CCM2L: variants seen among roughly 807,000 people sequenced by gnomAD.
The protein encoded by CCM2L is CCM2 like scaffold protein, also known as cerebral cavernous malformations 2 protein-like.
CCM2L carries 36 observed loss-of-function variants against 54.1 expected under a neutral mutation model. The observed-to-expected ratio is 0.67, with a 90% confidence interval of 0.51 to 0.88. The LOEUF is 0.88. Among genes scored for constraint, CCM2L ranks in the 40% least tolerant of loss-of-function variants. CCM2L has a pLI of 0.00. For missense variants in CCM2L, 700 were observed against 812.1 expected, an observed-to-expected ratio of 0.86 and a Z score of 1.68; for synonymous variants, 351 against 359.3, an observed-to-expected ratio of 0.98 and a Z score of 0.26.
Position 32,031,047 on chromosome 20 carries a change from C to CT in CCM2L, c.1451dup (p.Leu485ProfsTer14), listed in dbSNP as rs1383954467. ...ACCAGGACATCGGCTACTTCGAGGG[C>CT]TTCCTGGAGGGCGTGGGCATCCGCG... On this transcript the variant is annotated frameshift_variant, in exon 10 of 10. Coordinates refer to ENST00000452892, the MANE Select transcript of CCM2L (RefSeq NM_001365692.1). LOFTEE classifies it high-confidence loss of function. The CT allele has an allele frequency of 7.7e-7, 1 of 1,304,136 alleles. No individual in the cohort carries two copies. Among genetic ancestry groups the CT allele is most frequent in the African/African-American group, 1.5e-5 (1 of 65,862 alleles). 80.8% of individuals were successfully genotyped at this position (1,304,136 alleles called of 1,614,324 possible).
intron 2 of CCM2L, among the ~76,000 whole-genome samples, chr20:32,016,863 G>C (rs538122963): frequency 3.3e-5 from 5 of 151,120 alleles, no homozygotes; most frequent in Admixed American, 3.3e-4. Flanking sequence ...TTTTTTAAAA[G>C]TTGGCCAGGC....
intron 1 of CCM2L, 133 bp from the exon 2 acceptor site, chr20:32,014,771 G>A (rs1307647218): frequency 1.2e-6 from 1 of 816,434 alleles, no homozygotes; most frequent in Non-Finnish European, 1.9e-6. Flanking sequence ...TCTGTAAAAT[G>A]GGACTTACAG....
chr20:32,014,573 C>T (rs2064722516), intron 1 of CCM2L, among the ~76,000 whole-genome samples: 1 of 152,030 alleles, frequency 6.6e-6, no homozygotes, highest in South Asian at 2.1e-4. Context: ...GCCTTGAATC[C>T]TAACATTTTT....
chr20:32,011,693 C>T (rs537134925), intron 1 of CCM2L, among the ~76,000 whole-genome samples: 27 of 152,072 alleles, frequency 1.8e-4, no homozygotes, highest in African/African-American at 6.0e-4. Context: ...CGAGAACTGA[C>T]GGGTGGAAGG....
chr20:32,010,784 C>T (rs569104569), intron 1 of CCM2L, among the ~76,000 whole-genome samples: 5 of 152,208 alleles, frequency 3.3e-5, no homozygotes, highest in Admixed American at 1.3e-4. Context: ...TGGTGTTCCC[C>T]GCAGCTCCCT....
chr20:32,016,007 C>G (rs2064738737), intron 2 of CCM2L, among the ~76,000 whole-genome samples: 1 of 152,076 alleles, frequency 6.6e-6, no homozygotes, highest in Non-Finnish European at 1.5e-5. Flanking sequence ...CCGGCACGCA[C>G]CACCACACGC....
chr20:32,012,844 T>C (rs1456959174), intron 1 of CCM2L, among the ~76,000 whole-genome samples: 1 of 152,216 alleles, frequency 6.6e-6, no homozygotes, highest in African/African-American at 2.4e-5. Context: ...TGGACTTGTG[T>C]TCTGTTTACC....
At chr20:32,026,966 T>G (rs1488990028) in intron 7 of CCM2L, among the ~76,000 whole-genome samples, 1 of 152,024 alleles carries the variant, frequency 6.6e-6, no homozygotes. Flanking sequence ...GAGGATCACT[T>G]GAGCCCACAA....
chr20:32,018,864 G>A, intron 4 of CCM2L, 79 bp from the exon 5 acceptor site: 1 of 1,236,142 alleles, frequency 8.1e-7, no homozygotes, highest in East Asian at 3.4e-5. Context: ...GCGAGGTCAG[G>A]TGGCCAGCCG....
chr20:32,031,074 G>T lies in CCM2L; in HGVS notation c.1476G>T (p.Glu492Asp). ...TCCTGGAGGGCGTGGGCATCCGCGA[G>T]GGCGGCATCCTCACTGACAGCTTCG... The part of the protein sequence containing the change: ...EGFLEGVGIR[E>D]GGILTDSFGR... Residue 492 changes from glutamate (E) to aspartate (D), a missense_variant, in exon 10 of 10, where the codon GAG (glutamate) becomes GAT (aspartate). Transcript: ENST00000452892. 7.7e-7 allele frequency: 1 copy of T among 1,304,262 alleles called. No individual in the cohort carries two copies. The allele number at this position is 1,304,262 out of a possible 1,614,324, so 80.8% of individuals were successfully genotyped here.
Position 32,014,885 on chromosome 20 carries a change from T to C in CCM2L, c.31-19T>C. ...AAAGCAGCCACTGTTATCACTCTCATTCCTCCTCTCCTCCCCAGGGCTTTG... is the reference window on the plus strand; with the variant it reads ...AAAGCAGCCACTGTTATCACTCTCACTCCTCCTCTCCTCCCCAGGGCTTTG... On this transcript the variant is annotated intron_variant, in intron 1 of 9. Transcript: ENST00000452892. 3 of 1,581,542 alleles carry C rather than the reference T, an allele frequency of 1.9e-6. No individual in the cohort carries two copies. The highest frequency in any genetic ancestry group is 2.6e-6 in the Non-Finnish European group (3 of 1,166,488).
rs2064928940 is a variant in CCM2L at position 32,031,504 on chromosome 20, A to C, written c.*190A>C. The C allele has an allele frequency of 1.4e-5, 5 of 364,574 alleles. No homozygotes were observed. The highest frequency in any genetic ancestry group is 1.3e-4 in the South Asian group (5 of 37,176). 22.6% of individuals were successfully genotyped at this position (364,574 alleles called of 1,614,324 possible). A position where few individuals can be genotyped will look rare whatever the true frequency, so the allele number is the denominator to read the frequency against. On this transcript the variant is annotated 3_prime_UTR_variant, in exon 10 of 10. Coordinates refer to ENST00000452892, the MANE Select transcript of CCM2L (RefSeq NM_001365692.1). ...GGAGTGTCCTGCAGGGGGAAAGCGA[A>C]GCCGGGCCCTGAAGTCCGGGGCAGT...
rs1468504641 is a variant in CCM2L, at chr20:32,014,827, G to A, written c.31-77G>A. ...TTTGGTGAGAATTAAATTAGGTAAT[G>A]TAAGTAAAAGTGAGCATAGTAAGAG... On this transcript the variant is annotated intron_variant, in intron 1 of 9. Transcript: ENST00000452892. 3.0e-6 allele frequency: 4 copies of A among 1,346,472 alleles called. No individual in the cohort carries two copies. In the East Asian group the frequency reaches 8.0e-5, roughly 27 times the overall value. The allele number at this position is 1,346,472 out of a possible 1,614,324, so 83.4% of individuals were successfully genotyped here.
intron 7 of CCM2L, chr20:32,028,623 A>C: frequency 4.6e-6 from 1 of 215,900 alleles, no homozygotes; most frequent in Non-Finnish European, 9.5e-6. Context: ...CAGAGGTTCT[A>C]ACCCAACCTA....
chr20:32,022,510 G>C, intron 5 of CCM2L, 150 bp from the exon 6 acceptor site: 1 of 827,014 alleles, frequency 1.2e-6, no homozygotes, highest in Non-Finnish European at 1.8e-6. Context: ...AGTAGCCATC[G>C]AATTTTGATG....
chr20:32,015,041 G>T lies in CCM2L; in HGVS notation c.168G>T (p.Leu56=). Residue 56 remains leucine, a synonymous_variant, in exon 2 of 10, where the codon CTG becomes CTT. Coordinates refer to ENST00000452892, the MANE Select transcript of CCM2L (RefSeq NM_001365692.1). ...ACTACCTCATCGACCCCCAGATTCT[G>T]CTGTGTGACTACCTGGAGAAAGAGG... ...PPDYLIDPQI[L]LCDYLEKEVK... 1 of 1,536,108 alleles carries T rather than the reference G, an allele frequency of 6.5e-7. No homozygotes were observed. Among genetic ancestry groups the T allele is most frequent in the Non-Finnish European group, 8.7e-7 (1 of 1,144,414 alleles).
intron 7 of CCM2L, among the ~76,000 whole-genome samples, chr20:32,026,958 G>A (rs1193295994): frequency 2.6e-5 from 4 of 152,178 alleles, no homozygotes; most frequent in African/African-American, 7.2e-5. Context: ...CAACGCAGGA[G>A]GATCACTTGA....
At chr20:32,014,690 G>A (rs904945544) in intron 1 of CCM2L, among the ~76,000 whole-genome samples, 1 of 152,192 alleles carries the variant, frequency 6.6e-6, no homozygotes, top group East Asian at 1.9e-4. Context: ...TGCCCAAGGT[G>A]AACTACTGGT....
At chr20:32,012,910 T>TG (rs1458229508) in intron 1 of CCM2L, among the ~76,000 whole-genome samples, 1 of 152,216 alleles carries the variant, frequency 6.6e-6, no homozygotes, top group Non-Finnish European at 1.5e-5. Context: ...ACATTTGCCT[T>TG]GTTACACAGT....
Sources: gnomAD v4.1 joint callset for allele counts (sites outside exome capture counted in the v4.1 genomes callset) on GRCh38, gnomAD v4.1.1 for gene constraint, MANE v1.5 for transcripts, NCBI Gene and HGNC (gene_info 2026-07-23, HGNC 2026-07-21) for gene names.